Variants in NEURL1 observed in about 807,000 individuals in gnomAD.
NEURL1 encodes E3 ubiquitin-protein ligase NEURL1.
A neutral mutation model predicts 41.2 loss-of-function variants in NEURL1; 26 were observed. That is an observed-to-expected ratio of 0.63 (90% CI 0.46 to 0.87). NEURL1 has a LOEUF of 0.87. Among genes scored for constraint, NEURL1 ranks in the 40% least tolerant of loss-of-function variants. NEURL1 has a pLI of 0.00. For missense variants in NEURL1, 761 were observed against 871.1 expected (o/e 0.87, Z 1.59); for synonymous variants, 400 against 402.3 (o/e 0.99, Z 0.07).
intron 1 of NEURL1, among the ~76,000 whole-genome samples, chr10:103,537,659 G>T (rs2034722024): frequency 6.6e-6 from 1 of 152,216 alleles, no homozygotes; most frequent in Non-Finnish European, 1.5e-5. Flanking sequence ...CTCCCAAAGT[G>T]CTGGGATTAC....
intron 1 of NEURL1, among the ~76,000 whole-genome samples, chr10:103,559,637 T>C (rs546511195): frequency 6.6e-6 from 1 of 152,294 alleles, no homozygotes; most frequent in South Asian, 2.1e-4. Flanking sequence ...TACCTTCATC[T>C]GTCTGCATCT....
intron 1 of NEURL1, among the ~76,000 whole-genome samples, chr10:103,501,820 GAC>G (rs748538553): frequency 3.0e-4 from 45 of 151,938 alleles, no homozygotes; most frequent in Non-Finnish European, 3.7e-4. Flanking sequence ...TGTTAGTAGA[GAC>G]AGAGTTTTGC....
At chr10:103,553,148 A>G (rs1358576519) in intron 1 of NEURL1, among the ~76,000 whole-genome samples, 2 of 152,178 alleles carry the variant, frequency 1.3e-5, no homozygotes. Flanking sequence ...ACAGCCTCCA[A>G]AGCATCTTCT....
chr10:103,588,025 C>T (rs1180551728), intron 4 of NEURL1, among the ~76,000 whole-genome samples: 2 of 152,056 alleles, frequency 1.3e-5, no homozygotes, highest in Non-Finnish European at 2.9e-5. Context: ...AGCTCATGGG[C>T]TGGGCGCGGC....
chr10:103,502,047 G>A (rs750586645), intron 1 of NEURL1, among the ~76,000 whole-genome samples: 7 of 152,154 alleles, frequency 4.6e-5, no homozygotes, highest in Middle Eastern at 3.2e-3. Context: ...GACTGCAGGC[G>A]CACACCACTG....
chr10:103,546,367 CCT>C (rs1187715077), intron 1 of NEURL1, among the ~76,000 whole-genome samples: 2 of 152,250 alleles, frequency 1.3e-5, no homozygotes, highest in Admixed American at 6.5e-5. Context: ...CCTCCTTGAG[CCT>C]CTGTTTTTCT....
intron 1 of NEURL1, among the ~76,000 whole-genome samples, chr10:103,564,422 G>A (rs2035373474): frequency 6.6e-6 from 1 of 152,120 alleles, no homozygotes; most frequent in African/African-American, 2.4e-5. Flanking sequence ...TAGAGCAGTT[G>A]TGCAGCCCAC....
At chr10:103,517,319 T>G (rs2034239095) in intron 1 of NEURL1, 1 of 152,388 alleles carries the variant, frequency 6.6e-6, no homozygotes. Context: ...GAGTCACCAT[T>G]GTGTGACCTG....
At chr10:103,530,774 C>G (rs1185209125) in intron 1 of NEURL1, among the ~76,000 whole-genome samples, 1 of 151,330 alleles carries the variant, frequency 6.6e-6, no homozygotes, top group African/African-American at 2.4e-5. Context: ...CTCCCGACCT[C>G]AGGTGATCCA....
rs2035156750 is a variant in NEURL1, at chr10:103,556,426, G to C, written c.86-14446G>C. On this transcript the variant is annotated intron_variant, in intron 1 of 5. Coordinates refer to ENST00000369780, the MANE Select transcript of NEURL1 (RefSeq NM_004210.5). The surrounding 1 kb of genome is among the most constrained non-coding windows in gnomAD (Gnocchi z 4.4). Reference sequence around the variant, plus strand: ...GTACCCTGCTCCCTGCTTGGATGGGGTATTAGGAGGTGGGACAGTGTCCAT... The same window carrying C: ...GTACCCTGCTCCCTGCTTGGATGGGCTATTAGGAGGTGGGACAGTGTCCAT... 6.6e-6 allele frequency among the ~76,000 whole-genome samples: 1 copy of C among 152,028 alleles called. No individual in the cohort carries two copies. The highest frequency in any genetic ancestry group is 1.5e-5 in the Non-Finnish European group (1 of 68,012).
intron 1 of NEURL1, among the ~76,000 whole-genome samples, chr10:103,533,359 CTTTCTTTTTTCT>C (rs1254150113): frequency 6.6e-6 from 1 of 150,946 alleles, no homozygotes; most frequent in Non-Finnish European, 1.5e-5. Context: ...TTCAAATGAC[CTTTCTTTTTTCT>C]TTTCTTTTTT....
In NEURL1 at chr10:103,571,808, G is replaced by A; in HGVS notation, c.635G>A (p.Gly212Asp). The A allele has an allele frequency of 6.2e-7, 1 of 1,603,198 alleles. No individual in the cohort carries two copies. The highest frequency in any genetic ancestry group is 1.3e-5 in the African/African-American group (1 of 74,956). ...ALVDVYGLTR[G>D]VQLLDSELVL... ...GTGGACGTCTACGGCCTCACGCGGG[G>A]CGTCCAGCTGCTTGGTGAGTGCCTG... The change falls in exon 3 of 6, where the codon GGC becomes GAC. Residue 212 changes from glycine to aspartate, a missense_variant. Coordinates refer to ENST00000369780, the MANE Select transcript of NEURL1 (RefSeq NM_004210.5).
In NEURL1 at chr10:103,584,778, G is replaced by T; in HGVS notation, c.892G>T (p.Ala298Ser). 7.0e-7 allele frequency: 1 copy of T among 1,429,964 alleles called. No homozygotes were observed. The highest frequency in any genetic ancestry group is 9.1e-7 in the Non-Finnish European group (1 of 1,093,020). The allele number at this position is 1,429,964 out of a possible 1,614,324, so 88.6% of individuals were successfully genotyped here. A position where few individuals can be genotyped will look rare whatever the true frequency, so the allele number is the denominator to read the frequency against. The change falls in exon 4 of 6, where the codon GCC becomes TCC. Residue 298 changes from alanine (A) to serine (S), a missense_variant. This residue lies in a region of NEURL1 where 443 missense variants were observed against 408.1 expected (regional missense o/e 1.09). Transcript: ENST00000369780. ...AQLDGDLRFH[A>S]LRAGAHVRIL... Reference sequence around the variant, plus strand: ...GCTCGACGGCGACCTGCGTTTCCACGCCCTGCGCGCCGGCGCGCACGTCCG... The same window carrying T: ...GCTCGACGGCGACCTGCGTTTCCACTCCCTGCGCGCCGGCGCGCACGTCCG...
In NEURL1 at chr10:103,589,503, C is replaced by G. The variant is rs373345124; in HGVS notation, c.1340-11C>G. 498 of 1,586,866 alleles carry G rather than the reference C, an allele frequency of 3.1e-4. No individual in the cohort carries two copies. The highest frequency in any genetic ancestry group is 4.2e-4 in the Non-Finnish European group (487 of 1,164,838). ...CAGCTAGTGTGTCCTTCCCTCCCTC[C>G]CCTTTCACAGGCTCCACTATCCTGG... On this transcript the variant is annotated splice_polypyrimidine_tract_variant and intron_variant, in intron 4 of 5. Transcript: ENST00000369780.
chr10:103,560,143 C>T (rs1045350516), intron 1 of NEURL1, among the ~76,000 whole-genome samples: 2 of 152,176 alleles, frequency 1.3e-5, no homozygotes, highest in Non-Finnish European at 2.9e-5. Context: ...ATGAGGCACA[C>T]GTGCCATCTG....
chr10:103,588,844 G>A (rs1007252579), intron 4 of NEURL1: 13 of 447,248 alleles, frequency 2.9e-5, no homozygotes, highest in Admixed American at 4.8e-5. Context: ...TACTCAGGAG[G>A]CTGAGGCAGG....
At position 103,585,115 on chromosome 10, in the gene NEURL1, A is replaced by G. The variant is rs755462192; in HGVS notation, c.1229A>G (p.His410Arg). 3.1e-6 allele frequency: 5 copies of G among 1,590,156 alleles called. No individual in the cohort carries two copies. Among genetic ancestry groups the G allele is most frequent in the Non-Finnish European group, 4.3e-6 (5 of 1,175,926 alleles). ...GLVVNADGEL[H>R]LSHNGAAAGM... is the part of the protein sequence containing the mutation. ...GTGGTCAACGCCGACGGCGAGCTGC[A>G]CCTCAGCCACAATGGCGCGGCCGCC... Residue 410 changes from histidine (H) to arginine (R), a missense_variant, in exon 4 of 6, where the codon CAC (histidine) becomes CGC (arginine). By Grantham distance (29) the His-to-Arg change is conservative (BLOSUM62 0). Transcript: ENST00000369780.
At chr10:103,588,894 C>T (rs771113097) in intron 4 of NEURL1, 11 of 433,814 alleles carry the variant, frequency 2.5e-5, no homozygotes, top group Non-Finnish European at 3.6e-5. Flanking sequence ...TGTAGTGAGC[C>T]GAGGTCGTGC....
intron 1 of NEURL1, among the ~76,000 whole-genome samples, chr10:103,533,423 G>A (rs919888587): frequency 6.6e-6 from 1 of 150,684 alleles, no homozygotes; most frequent in African/African-American, 2.4e-5. Context: ...AGGCTGGAGT[G>A]GAATGGCGTG....
Sources: gnomAD v4.1 joint callset for allele counts (sites outside exome capture counted in the v4.1 genomes callset) on GRCh38, gnomAD v4.1.1 for gene constraint, gnomAD v4.1.1 regional missense constraint, Gnocchi (gnomAD v3.1) non-coding constraint, MANE v1.5 for transcripts, NCBI Gene and HGNC (gene_info 2026-07-23, HGNC 2026-07-21) for gene names.